The following CCDC171 variants were observed in gnomAD, a reference collection of about 807,000 sequenced individuals.
CCDC171 encodes the protein coiled-coil domain-containing protein 171.
CCDC171 carries 177 observed loss-of-function variants against 168.2 expected under a neutral mutation model. The ratio of observed to expected loss-of-function variants is 1.05; its 90% CI spans 0.93 to 1.19. The LOEUF (loss-of-function observed/expected upper bound fraction) is 1.19, where lower values mean the gene tolerates loss of function less well. Among genes scored for constraint, CCDC171 ranks in the 50% most tolerant of loss-of-function variants. CCDC171 has a pLI of 0.00. For synonymous variants in CCDC171, 687 were observed against 540.8 expected (o/e 1.27, Z -3.75); for missense variants, 1,991 against 1,539.0 (o/e 1.29, Z -4.91).
At chr9:15,988,816 G>A (rs1589300366) in intron 3 of CCDC171, among the ~76,000 whole-genome samples, 1 of 152,312 alleles carries the variant, frequency 6.6e-6, no homozygotes, top group Non-Finnish European at 1.5e-5. Context: ...CAAGCCCATG[G>A]AGCCTCACCC....
At chr9:16,056,855 T>G (rs1373378181) in intron 1 of CCDC171, among the ~76,000 whole-genome samples, 1 of 152,202 alleles carries the variant, frequency 6.6e-6, no homozygotes, top group Non-Finnish European at 1.5e-5. Flanking sequence ...ATTAAAGCTG[T>G]TAAAGCAATA....
At chr9:15,590,787 T>TTC (rs1491022642) in intron 4 of CCDC171, among the ~76,000 whole-genome samples, 4 of 52,740 alleles carry the variant, frequency 7.6e-5, no homozygotes, top group African/African-American at 1.9e-4. Flanking sequence ...CTTTCTTTCT[T>TTC]TCTTTCTTTC....
chr9:15,567,685 T>TG (rs1278573211), intron 2 of CCDC171, among the ~76,000 whole-genome samples: 1 of 152,062 alleles, frequency 6.6e-6, no homozygotes, highest in East Asian at 1.9e-4. Context: ...GACAAGGTCT[T>TG]GCTCTGTTGC....
chr9:16,079,175 T>C, the CCDC171 span, among the ~76,000 whole-genome samples: 1 of 152,220 alleles, frequency 6.6e-6, no homozygotes, highest in African/African-American at 2.4e-5. Context: ...GCTGGCTGCA[T>C]TGTAGGACTA....
chr9:15,751,273 TA>T (rs1298279504), intron 18 of CCDC171, among the ~76,000 whole-genome samples: 1 of 151,964 alleles, frequency 6.6e-6, no homozygotes, highest in Admixed American at 6.6e-5. Flanking sequence ...CTCAACGAAA[TA>T]AAAGAGGTCA....
At chr9:15,915,194 T>C (rs1431034226) in intron 24 of CCDC171, among the ~76,000 whole-genome samples, 1 of 152,210 alleles carries the variant, frequency 6.6e-6, no homozygotes, top group African/African-American at 2.4e-5. Context: ...GAGATTGCAT[T>C]GGATCTATAG....
chr9:15,910,341 T>C (rs1823437902), intron 24 of CCDC171, among the ~76,000 whole-genome samples: 1 of 152,188 alleles, frequency 6.6e-6, no homozygotes. Context: ...CCCCAGTGTA[T>C]ATTTTTATTG....
chr9:15,615,777 A>ATTTTT (rs35595117), intron 6 of CCDC171, among the ~76,000 whole-genome samples: 1 of 140,192 alleles, frequency 7.1e-6, no homozygotes, highest in Non-Finnish European at 1.5e-5. Context: ...ATCACGTGTG[A>ATTTTT]TTTTTTTTTT....
chr9:15,634,404 G>C (rs1449725115), intron 7 of CCDC171, among the ~76,000 whole-genome samples: 2 of 152,096 alleles, frequency 1.3e-5, no homozygotes, highest in African/African-American at 4.8e-5. Context: ...AGAAGGAAAT[G>C]GAGGAAGAAT....
At chr9:15,569,858 T>A (rs2040078831) in intron 2 of CCDC171, among the ~76,000 whole-genome samples, 1 of 138,118 alleles carries the variant, frequency 7.2e-6, no homozygotes, top group African/African-American at 2.6e-5. Context: ...AAAAAAAAAT[T>A]TCTATTTTTC....
chr9:16,098,643 G>T, the CCDC171 span, among the ~76,000 whole-genome samples: 2 of 152,178 alleles, frequency 1.3e-5, no homozygotes, highest in Admixed American at 6.5e-5. Context: ...AATTACAAGG[G>T]ATTAAGAGTG....
At chr9:15,645,368 A>G (rs1454047156) in intron 7 of CCDC171, among the ~76,000 whole-genome samples, 1 of 152,242 alleles carries the variant, frequency 6.6e-6, no homozygotes, top group African/African-American at 2.4e-5. Context: ...CTCCCCAGCA[A>G]CAGAACAAAG....
chr9:15,951,450 A>G (rs575623536), intron 25 of CCDC171, among the ~76,000 whole-genome samples: 2 of 152,230 alleles, frequency 1.3e-5, no homozygotes, highest in African/African-American at 4.8e-5. Context: ...CCACCAACAG[A>G]GCAAAGATCC....
At position 15,744,511 on chromosome 9, in the gene CCDC171, A is replaced by T; in HGVS notation, c.2288A>T (p.Glu763Val). Residue 763 changes from glutamate (E) to valine (V), a missense_variant, in exon 17 of 26, where the codon GAG (glutamate) becomes GTG (valine). By Grantham distance (121) the Glu-to-Val change is moderately radical (BLOSUM62 -2). Transcript: ENST00000380701. ...DFLQEQVNTF[E>V]LFKLEIRTLA... Reference sequence around the variant, plus strand: ...CTCCAGGAGCAGGTCAACACCTTTGAGTTGTTCAAACTGGAAATTAGAACT... The same window carrying T: ...CTCCAGGAGCAGGTCAACACCTTTGTGTTGTTCAAACTGGAAATTAGAACT... 7 of 1,614,198 alleles carry T rather than the reference A, an allele frequency of 4.3e-6. No individual in the cohort carries two copies. Among genetic ancestry groups the T allele is most frequent in the Non-Finnish European group, 5.9e-6 (7 of 1,180,038 alleles).
Position 15,634,231 on chromosome 9 carries a change from A to T in CCDC171, c.822+10818A>T, listed in dbSNP as rs565651921. On this transcript the variant is annotated intron_variant, in intron 7 of 25. Coordinates refer to ENST00000380701, the MANE Select transcript of CCDC171 (RefSeq NM_173550.4). ...CACAAAAAAAAGAAAAATAATTTAA[A>T]TTTTTTTTAACTTTTAAAAAAATTA... is the stretch of plus-strand genomic sequence containing the variant. 4.3e-4 allele frequency among the ~76,000 whole-genome samples: 66 copies of T among 152,158 alleles called. 1 individual carries two copies. The South Asian group carries it at 9.5e-3, about 22-fold the overall frequency.
At chr9:15,873,833 G>A (rs1817501509) in intron 23 of CCDC171, among the ~76,000 whole-genome samples, 1 of 152,046 alleles carries the variant, frequency 6.6e-6, no homozygotes, top group Non-Finnish European at 1.5e-5. Flanking sequence ...TCCCATATCG[G>A]TGATGTGTTT....
intron 24 of CCDC171, among the ~76,000 whole-genome samples, chr9:15,912,274 C>T (rs564300221): frequency 1.6e-4 from 25 of 151,524 alleles, no homozygotes; most frequent in Admixed American, 5.9e-4. Flanking sequence ...CATCCTTGTA[C>T]CTTATATTCT....
intron 21 of CCDC171, among the ~76,000 whole-genome samples, chr9:15,792,640 C>G (rs564660077): frequency 6.6e-6 from 1 of 152,128 alleles, no homozygotes; most frequent in African/African-American, 2.4e-5. Flanking sequence ...AGAAACTCTA[C>G]AAGCCAGAAG....
At chr9:15,994,347 A>G (rs1331954238) in intron 3 of CCDC171, among the ~76,000 whole-genome samples, 1 of 152,172 alleles carries the variant, frequency 6.6e-6, no homozygotes, top group Non-Finnish European at 1.5e-5. Context: ...CAAAAATCCA[A>G]ACACCGCATG....
Sources: gnomAD v4.1 joint callset for allele counts (sites outside exome capture counted in the v4.1 genomes callset) on GRCh38, gnomAD v4.1.1 for gene constraint, MANE v1.5 for transcripts, NCBI Gene and HGNC (gene_info 2026-07-23, HGNC 2026-07-21) for gene names.